BICC1: variants seen among roughly 807,000 people sequenced by gnomAD.
BICC1 encodes the protein BicC family RNA binding protein 1, also known as protein bicaudal C homolog 1.
BICC1 carries 43 observed loss-of-function variants against 111.0 expected under a neutral mutation model. The observed-to-expected ratio is 0.39, with a 90% confidence interval of 0.30 to 0.50. The LOEUF is 0.50. BICC1 is among the 20% of genes least tolerant of loss of function. BICC1 has a pLI of 0.88. For missense variants in BICC1, 1,091 were observed against 1,203.2 expected (o/e 0.91, Z 1.38); for synonymous variants, 467 against 434.4 (o/e 1.07, Z -0.93).
At chr10:58,713,909 A>G (rs1840654800) in intron 3 of BICC1, among the ~76,000 whole-genome samples, 1 of 152,080 alleles carries the variant, frequency 6.6e-6, no homozygotes, top group Admixed American at 6.6e-5. Context: ...ACTGTGATTT[A>G]TAAACTTTCT....
At chr10:58,547,220 A>T (rs932967342) in intron 1 of BICC1, among the ~76,000 whole-genome samples, 1 of 152,066 alleles carries the variant, frequency 6.6e-6, no homozygotes, top group Non-Finnish European at 1.5e-5. Flanking sequence ...CTGGGACTCT[A>T]TCCAGAATAT....
intron 1 of BICC1, among the ~76,000 whole-genome samples, chr10:58,564,759 T>A (rs1442290137): frequency 2.0e-5 from 3 of 152,228 alleles, no homozygotes; most frequent in African/African-American, 7.2e-5. Flanking sequence ...TAAATATGGT[T>A]ATAAATGGTT....
At chr10:58,782,555 A>G (rs1255339184) in intron 3 of BICC1, among the ~76,000 whole-genome samples, 1 of 152,220 alleles carries the variant, frequency 6.6e-6, no homozygotes, top group African/African-American at 2.4e-5. Context: ...ATTGGCTTCT[A>G]ATCACCCACA....
chr10:58,537,105 G>GC (rs1453940650), intron 1 of BICC1, among the ~76,000 whole-genome samples: 7 of 151,456 alleles, frequency 4.6e-5, no homozygotes, highest in African/African-American at 1.5e-4. Context: ...AAAGCCCAGG[G>GC]CATATGGATT....
At chr10:58,611,938 A>G (rs1845438015) in intron 1 of BICC1, among the ~76,000 whole-genome samples, 1 of 152,170 alleles carries the variant, frequency 6.6e-6, no homozygotes, top group Non-Finnish European at 1.5e-5. Flanking sequence ...TAAGAGAAAA[A>G]TTATATTTAT....
At chr10:58,793,850 CA>C (rs1481259207) in intron 9 of BICC1, among the ~76,000 whole-genome samples, 1 of 152,040 alleles carries the variant, frequency 6.6e-6, no homozygotes, top group East Asian at 1.9e-4. Context: ...GATGCCCAAC[CA>C]GTGCAGATAT....
intron 3 of BICC1, among the ~76,000 whole-genome samples, chr10:58,711,588 T>G (rs1564568847): frequency 1.3e-5 from 2 of 152,184 alleles, no homozygotes; most frequent in Admixed American, 6.5e-5. Flanking sequence ...GGACCTGAGC[T>G]TGGGTTCATT....
chr10:58,764,353 A>G (rs1842400068), intron 3 of BICC1, among the ~76,000 whole-genome samples: 1 of 152,216 alleles, frequency 6.6e-6, no homozygotes, highest in Non-Finnish European at 1.5e-5. Flanking sequence ...TCTGATTTAT[A>G]TGACTGTGGA....
At chr10:58,525,394 T>A (rs879194633) in intron 1 of BICC1, among the ~76,000 whole-genome samples, 1 of 108,732 alleles carries the variant, frequency 9.2e-6, no homozygotes, top group African/African-American at 2.9e-5. Flanking sequence ...TAAAAAAGGA[T>A]GAGTTCATCT....
chr10:58,659,825 A>T (rs529006709), intron 2 of BICC1, among the ~76,000 whole-genome samples: 1 of 152,324 alleles, frequency 6.6e-6, no homozygotes, highest in African/African-American at 2.4e-5. Flanking sequence ...AGTAAAATAA[A>T]AATCTGAGAA....
intron 2 of BICC1, among the ~76,000 whole-genome samples, chr10:58,697,298 G>A (rs903618939): frequency 6.6e-6 from 1 of 152,154 alleles, no homozygotes; most frequent in African/African-American, 2.4e-5. Context: ...TTGAAAAAGT[G>A]TCAGTGTCTC....
intron 2 of BICC1, among the ~76,000 whole-genome samples, chr10:58,642,302 G>A (rs2132218292): frequency 6.6e-6 from 1 of 152,234 alleles, no homozygotes; most frequent in East Asian, 1.9e-4. Context: ...GAGGCTGGGG[G>A]TGTTTTCATG....
chr10:58,764,130 A>G (rs539272684), intron 3 of BICC1, among the ~76,000 whole-genome samples: 161 of 152,302 alleles, frequency 1.1e-3, no homozygotes, highest in African/African-American at 3.7e-3. Context: ...GAGTGAGGAA[A>G]CTGAGTTCAC....
chr10:58,740,841 G>A lies in BICC1; in HGVS notation c.307+38698G>A, dbSNP rs775707682. ...GGATGGGTGTGGGGTGGCTTTGGCC[G>A]ACCAAAGGCGTGACACGTGAATGGT... On this transcript the variant is annotated intron_variant, in intron 3 of 20. Coordinates refer to ENST00000373886, the MANE Select transcript of BICC1 (RefSeq NM_001080512.3). 4.6e-5 allele frequency among the ~76,000 whole-genome samples: 7 copies of A among 152,270 alleles called. No homozygotes were observed. In the South Asian group the frequency reaches 6.2e-4, roughly 14 times the overall value.
intron 1 of BICC1, among the ~76,000 whole-genome samples, chr10:58,557,162 C>T (rs535256609): frequency 2.0e-5 from 3 of 152,004 alleles, no homozygotes; most frequent in East Asian, 1.9e-4. Flanking sequence ...TCTAGGTTGA[C>T]GGTGTTTTAA....
chr10:58,525,702 T>TAAAATATAA lies in BICC1; in HGVS notation c.190+12369_190+12370insAAAATATAA, dbSNP rs376755147. On this transcript the variant is annotated intron_variant, in intron 1 of 20. Coordinates refer to ENST00000373886, the MANE Select transcript of BICC1 (RefSeq NM_001080512.3). Reference sequence around the variant, plus strand: ...CGTTGTGTACATGTACCCTAAAACTTTAATAATAAAAAAAATTTTTTAAAG... The same window carrying TAAAATATAA: ...CGTTGTGTACATGTACCCTAAAACTTAAAATATAATAATAATAAAAAAAATTTTTTAAAG... Among the ~76,000 whole-genome samples the TAAAATATAA allele has an allele frequency of 4.6e-4, 70 of 150,918 alleles. 1 individual carries two copies. The South Asian group carries it at 0.014, about 29-fold the overall frequency.
At chr10:58,686,246 A>G (rs550283024) in intron 2 of BICC1, among the ~76,000 whole-genome samples, 5 of 152,338 alleles carry the variant, frequency 3.3e-5, no homozygotes, top group Non-Finnish European at 7.3e-5. Flanking sequence ...TGTTAGTCTG[A>G]TGGGATTCCC....
At chr10:58,547,438 G>A (rs1200644079) in intron 1 of BICC1, among the ~76,000 whole-genome samples, 1 of 152,062 alleles carries the variant, frequency 6.6e-6, no homozygotes, top group Non-Finnish European at 1.5e-5. Context: ...CTCATATTAA[G>A]GGTGTACACT....
At chr10:58,652,093 A>G (rs1030599375) in intron 2 of BICC1, among the ~76,000 whole-genome samples, 2 of 152,164 alleles carry the variant, frequency 1.3e-5, no homozygotes, top group Non-Finnish European at 2.9e-5. Context: ...GATACTGAGA[A>G]GCAAGAGACC....
Sources: allele counts gnomAD v4.1 joint callset (sites outside exome capture counted in the v4.1 genomes callset), GRCh38; gene constraint gnomAD v4.1.1; transcripts MANE v1.5; gene names NCBI Gene and HGNC (gene_info 2026-07-23, HGNC 2026-07-21).